The following NEK5 variants were observed in gnomAD, a reference collection of about 807,000 sequenced individuals.
The protein encoded by NEK5 is serine/threonine-protein kinase Nek5.
A neutral mutation model predicts 109.2 loss-of-function variants in NEK5; 88 were observed. That is an observed-to-expected ratio of 0.81 (90% confidence interval 0.68 to 0.96). NEK5 has a LOEUF of 0.96. Among genes scored for constraint, NEK5 ranks in the 40% least tolerant of loss-of-function variants. The probability of loss-of-function intolerance (pLI) is 0.00; values close to 1 mark genes in which losing one functional copy is unlikely to be tolerated. For synonymous variants in NEK5, 283 were observed against 299.9 expected, an observed-to-expected ratio of 0.94 and a Z score of 0.58; for missense variants, 834 against 920.7, an observed-to-expected ratio of 0.91 and a Z score of 1.22.
chr13:52,099,804 C>A lies in NEK5; in HGVS notation c.965G>T (p.Arg322Met), dbSNP rs985795580. The A allele has an allele frequency of 1.2e-6, 2 of 1,613,720 alleles. No individual in the cohort carries two copies. The highest frequency in any genetic ancestry group is 2.7e-5 in the African/African-American group (2 of 74,914). ...TTCATTTCTATGCAATATAGCATTCCTTTTAATTGGCACAGATATCCTTGA... is the reference window on the plus strand; with the variant it reads ...TTCATTTCTATGCAATATAGCATTCATTTTAATTGGCACAGATATCCTTGA... ...PRSRISVPIK[R>M]NAILHRNEWR... Residue 322 changes from arginine (R) to methionine (M), a missense_variant, in exon 12 of 24, where the codon AGG becomes ATG. Arg to Met is a moderately conservative substitution (Grantham distance 91, BLOSUM62 -1). This residue lies in a region of NEK5 where 777 missense variants were observed against 824.7 expected (regional missense o/e 0.94). Transcript: ENST00000684899.
At chr13:52,128,933 C>G (rs1283115749) in intron 1 of NEK5, 96 bp downstream of exon 1, 1 of 152,510 alleles carries the variant, frequency 6.6e-6, no homozygotes, top group East Asian at 1.9e-4. Context: ...CCCGCCGCCC[C>G]AGGCCGAAAC....
chr13:52,063,890 C>T (rs1202478070), intron 21 of NEK5, among the ~76,000 whole-genome samples: 3 of 151,964 alleles, frequency 2.0e-5, no homozygotes, highest in Non-Finnish European at 2.9e-5. Flanking sequence ...CCTCCCCATC[C>T]GGGAAGGAGG....
chr13:52,088,496 G>A (rs971564016), intron 14 of NEK5, among the ~76,000 whole-genome samples: 4 of 141,630 alleles, frequency 2.8e-5, no homozygotes. Flanking sequence ...CTTATGATCC[G>A]CCCACCTTGG....
chr13:52,045,800 C>T (rs987196661), intron 23 of NEK5, among the ~76,000 whole-genome samples: 6 of 146,904 alleles, frequency 4.1e-5, no homozygotes, highest in Non-Finnish European at 7.5e-5. Context: ...GGGACCTGCA[C>T]GGTGGCTCAC....
intron 23 of NEK5, among the ~76,000 whole-genome samples, chr13:52,040,256 C>G (rs377517643): frequency 7.9e-5 from 12 of 151,996 alleles, no homozygotes; most frequent in African/African-American, 2.9e-4. Flanking sequence ...GCTAATTTTT[C>G]TATTTTTTAG....
At position 52,105,787 on chromosome 13, in the gene NEK5, G is replaced by A. The variant is rs568037831; in HGVS notation, c.555-1235C>T. 7.4e-4 allele frequency among the ~76,000 whole-genome samples: 112 copies of A among 152,216 alleles called. No individual in the cohort carries two copies. The South Asian group carries it at 0.018, about 24-fold the overall frequency. ...GAACCAGTCCTCTAATGGAGCCAGC[G>A]GCTACCCACCTGATTATTGCTAAGA... On this transcript the variant is annotated intron_variant, in intron 8 of 23. Coordinates refer to ENST00000684899, the MANE Select transcript of NEK5 (RefSeq NM_001365552.1).
At chr13:52,104,961 A>G (rs1159937151) in intron 8 of NEK5, among the ~76,000 whole-genome samples, 1 of 152,250 alleles carries the variant, frequency 6.6e-6, no homozygotes, top group East Asian at 1.9e-4. Flanking sequence ...TGACAGAACC[A>G]AAGTTATATT....
intron 16 of NEK5, among the ~76,000 whole-genome samples, chr13:52,086,061 A>G (rs1420245493): frequency 6.6e-6 from 1 of 152,232 alleles, no homozygotes; most frequent in African/African-American, 2.4e-5. Context: ...TGAGAATCTC[A>G]GATATCCTTA....
At chr13:52,080,367 G>A (rs1049635003) in intron 17 of NEK5, among the ~76,000 whole-genome samples, 4 of 151,306 alleles carry the variant, frequency 2.6e-5, no homozygotes, top group African/African-American at 7.3e-5. Context: ...CCCTCTGCCC[G>A]GCCACCACCC....
chr13:52,099,942 G>A (rs554857200), intron 11 of NEK5, 66 bp from the exon 12 acceptor site: 1 of 1,228,820 alleles, frequency 8.1e-7, no homozygotes, highest in African/African-American at 1.5e-5. Flanking sequence ...ACTGATACTT[G>A]TAAGAGTATA....
chr13:52,117,915 T>C (rs1260768259), intron 4 of NEK5, among the ~76,000 whole-genome samples: 2 of 152,236 alleles, frequency 1.3e-5, no homozygotes, highest in East Asian at 3.8e-4. Flanking sequence ...GATCATCTTA[T>C]AGCATTATCA....
intron 4 of NEK5, among the ~76,000 whole-genome samples, chr13:52,113,765 C>A (rs1346777036): frequency 1.3e-5 from 2 of 152,100 alleles, no homozygotes; most frequent in African/African-American, 2.4e-5. Flanking sequence ...TTAACCCCCA[C>A]AGTGATGGTA....
In NEK5 at chr13:52,093,149, T is replaced by C. The variant is rs952803968; in HGVS notation, c.1113A>G (p.Arg371=). The change falls in exon 13 of 24, where the codon AGA becomes AGG. Residue 371 remains arginine, a synonymous_variant. Transcript: ENST00000684899. The stretch of plus-strand genomic sequence containing the variant: ...TAGGGTGATAACTTGGTTTGTGGGC[T>C]CTCCTCCTCAGCATATCAAGTTGAG... ...YYAQLDMLRR[R]AHKPSYHPIP... 9 of 1,613,014 alleles carry C rather than the reference T, an allele frequency of 5.6e-6. No individual in the cohort carries two copies. Among genetic ancestry groups the C allele is most frequent in the Non-Finnish European group, 7.6e-6 (9 of 1,179,150 alleles).
intron 17 of NEK5, among the ~76,000 whole-genome samples, chr13:52,079,260 T>A (rs1197817182): frequency 2.2e-5 from 3 of 135,810 alleles, no homozygotes; most frequent in Non-Finnish European, 4.8e-5. Flanking sequence ...TCTTTTTAAA[T>A]AAGTAGGGCT....
At chr13:52,039,121 A>ACTGGGAGAGAAAAGGAG (rs1954392802) in intron 23 of NEK5, among the ~76,000 whole-genome samples, 1 of 152,182 alleles carries the variant, frequency 6.6e-6, no homozygotes, top group Non-Finnish European at 1.5e-5. Context: ...TCCTAAGAAA[A>ACTGGGAGAGAAAAGGAG]AGAAGATAGG....
chr13:52,114,481 A>G (rs970018705), intron 4 of NEK5, among the ~76,000 whole-genome samples: 1 of 152,156 alleles, frequency 6.6e-6, no homozygotes, highest in South Asian at 2.1e-4. Flanking sequence ...ACATATTTCA[A>G]TTTTTCCTCC....
chr13:52,112,543 A>G (rs1955778589), intron 4 of NEK5, among the ~76,000 whole-genome samples, 178 bp from the exon 5 acceptor site: 1 of 152,232 alleles, frequency 6.6e-6, no homozygotes, highest in Non-Finnish European at 1.5e-5. Flanking sequence ...CATCTGTAAA[A>G]TGGAAATATT....
intron 6 of NEK5, 21 bp from the exon 7 acceptor site, chr13:52,110,431 A>AT: frequency 6.2e-7 from 1 of 1,609,582 alleles, no homozygotes; most frequent in Admixed American, 1.7e-5. Flanking sequence ...AGAAAATGTC[A>AT]TGTTGTTTGA....
chr13:52,099,582 A>G (rs1344766234), intron 12 of NEK5, among the ~76,000 whole-genome samples, 161 bp downstream of exon 12: 1 of 152,202 alleles, frequency 6.6e-6, no homozygotes, highest in Non-Finnish European at 1.5e-5. Context: ...GGGCAGAAGA[A>G]TTGCTTGAAC....
Sources: gnomAD v4.1 joint callset for allele counts (sites outside exome capture counted in the v4.1 genomes callset) on GRCh38, gnomAD v4.1.1 for gene constraint, gnomAD v4.1.1 regional missense constraint, MANE v1.5 for transcripts, NCBI Gene and HGNC (gene_info 2026-07-23, HGNC 2026-07-21) for gene names.